The following CSTF1 variants were observed in gnomAD, a reference collection of about 807,000 sequenced individuals.
CSTF1 encodes the protein cleavage stimulation factor subunit 1.
A neutral mutation model predicts 40.9 loss-of-function variants in CSTF1; 2 were observed. The ratio of observed to expected loss-of-function variants is 0.05; its 90% CI spans 0.02 to 0.15. The LOEUF is 0.15. CSTF1 is among the 10% of genes least tolerant of loss of function. CSTF1 has a pLI of 1.00. For missense variants in CSTF1, 279 were observed against 558.9 expected, an observed-to-expected ratio of 0.50 and a Z score of 5.05; for synonymous variants, 218 against 207.2, an observed-to-expected ratio of 1.05 and a Z score of -0.45.
chr20:56,399,489 A>G lies in CSTF1; in HGVS notation c.1036+132A>G. 2.4e-6 allele frequency: 2 copies of G among 849,010 alleles called. No individual in the cohort carries two copies. The highest frequency in any genetic ancestry group is 3.6e-5 in the South Asian group (2 of 56,174). The allele number at this position is 849,010 out of a possible 1,614,324, so 52.6% of individuals were successfully genotyped here. ...AGGCAGATGTTACCCTTTCTTAGAT[A>G]AGAGGAAACCAAGACTTACAGGTTA... On this transcript the variant is annotated intron_variant, in intron 5 of 5. Transcript: ENST00000217109. This position sits in a 1 kb window ranked among gnomAD's most constrained non-coding sequence, Gnocchi z 4.6.
In CSTF1 at chr20:56,397,374, G is replaced by A. The variant is rs1987548062; in HGVS notation, c.337G>A (p.Val113Ile). Reference protein sequence around the residue: ...YVTSHKGPCRVATYSRDGQLI... With the variant: ...YVTSHKGPCRIATYSRDGQLI... The stretch of plus-strand genomic sequence containing the variant: ...CACATCACATAAAGGACCATGCCGT[G>A]TAGCTACCTATAGTAGAGATGGACA... The change falls in exon 3 of 6, where the codon GTA becomes ATA. Residue 113 changes from valine to isoleucine, a missense_variant. Physicochemically the swap from Val to Ile is conservative, Grantham distance 29 (BLOSUM62 3). This residue lies in a region of CSTF1 where 66 missense variants were observed against 148.0 expected (regional missense o/e 0.45). Coordinates refer to ENST00000217109, the MANE Select transcript of CSTF1 (RefSeq NM_001324.3). This position sits in a 1 kb window ranked among gnomAD's most constrained non-coding sequence, Gnocchi z 4.4. 1 of 1,614,200 alleles carries A rather than the reference G, an allele frequency of 6.2e-7. No individual in the cohort carries two copies. The highest frequency in any genetic ancestry group is 8.5e-7 in the Non-Finnish European group (1 of 1,180,030).
Position 56,397,421 on chromosome 20 carries a change from T to C in CSTF1, c.384T>C (p.Ala128=), listed in dbSNP as rs1987549147. The C allele has an allele frequency of 6.2e-7, 1 of 1,614,106 alleles. No homozygotes were observed. The highest frequency in any genetic ancestry group is 1.3e-5 in the African/African-American group (1 of 74,950). ...RDGQLIATGS[A]DASIKILDTE... ...GACAGTTAATAGCTACTGGGTCTGC[T>C]GATGCTTCGATAAAGATACTTGACA... The change falls in exon 3 of 6, where the codon GCT becomes GCC. Residue 128 remains alanine, a synonymous_variant. Coordinates refer to ENST00000217109, the MANE Select transcript of CSTF1 (RefSeq NM_001324.3). The surrounding 1 kb of genome is among the most constrained non-coding windows in gnomAD (Gnocchi z 4.4).
At position 56,403,604 on chromosome 20, in the gene CSTF1, G is replaced by C. The variant is rs565546367; in HGVS notation, c.1173G>C (p.Leu391=). The C allele has an allele frequency of 3.1e-6, 5 of 1,614,144 alleles. No individual in the cohort carries two copies. The Admixed American group carries it at 5.0e-5, about 16-fold the overall frequency. The change falls in exon 6 of 6, where the codon CTG becomes CTC. Residue 391 remains leucine, a synonymous_variant. Transcript: ENST00000217109. ...CGAGGACAGCCGAGCGGAGAAACCT[G>C]CTGTCGTTGGGGCACAACAATATTG... ...WDSRTAERRN[L]LSLGHNNIVR...
In CSTF1 at chr20:56,397,224, A is replaced by C. The variant is rs759821717; in HGVS notation, c.187A>C (p.Thr63Pro). 1 of 1,610,760 alleles carries C rather than the reference A, an allele frequency of 6.2e-7. No individual in the cohort carries two copies. Among genetic ancestry groups the C allele is most frequent in the Non-Finnish European group, 8.5e-7 (1 of 1,178,038 alleles). The change falls in exon 3 of 6, where the codon ACC becomes CCC. Residue 63 changes from threonine (T) to proline (P), a missense_variant. Around this residue, in one of 4 missense-constraint regions of CSTF1, gnomAD observed 66 missense variants for 148.0 expected, o/e 0.45. Coordinates refer to ENST00000217109, the MANE Select transcript of CSTF1 (RefSeq NM_001324.3). The surrounding 1 kb of genome is among the most constrained non-coding windows in gnomAD (Gnocchi z 4.4). Reference protein sequence around the residue: ...LIKLGMENDDTAVQYAIGRSD... With the variant: ...LIKLGMENDDPAVQYAIGRSD... ...TCTTTCAGGAATGGAAAACGATGAC[A>C]CCGCAGTTCAGTATGCAATTGGTCG...
At position 56,397,638 on chromosome 20, in the gene CSTF1, G is replaced by T; in HGVS notation, c.448-6G>T. 2 of 1,613,776 alleles carry T rather than the reference G, an allele frequency of 1.2e-6. No homozygotes were observed. The highest frequency in any genetic ancestry group is 1.3e-5 in the African/African-American group (1 of 75,006). ...GTGCCTTGAGCATCTCTTCTTGTTG[G>T]TCTAGGTCATGATGAATGAGACCGC... is the stretch of plus-strand genomic sequence containing the variant. On this transcript the variant is annotated splice_polypyrimidine_tract_variant and splice_region_variant and intron_variant, in intron 3 of 5. Coordinates refer to ENST00000217109, the MANE Select transcript of CSTF1 (RefSeq NM_001324.3). This position sits in a 1 kb window ranked among gnomAD's most constrained non-coding sequence, Gnocchi z 4.4.
rs1226236029 is a variant in CSTF1 at position 56,404,464 on chromosome 20, A to G, written c.*737A>G. On this transcript the variant is annotated 3_prime_UTR_variant, in exon 6 of 6. Coordinates refer to ENST00000217109, the MANE Select transcript of CSTF1 (RefSeq NM_001324.3). ...TCTAATTAAATTAGGTCAGCCTGCT[A>G]TTGCTCTCAGGTGTTGCCTGTCTTC... 6.6e-6 allele frequency: 1 copy of G among 152,162 alleles called. No individual in the cohort carries two copies. Among genetic ancestry groups the G allele is most frequent in the African/African-American group, 2.4e-5 (1 of 41,416 alleles). 9.4% of individuals were successfully genotyped at this position (152,162 alleles called of 1,614,324 possible).
In CSTF1 at chr20:56,397,578, G is replaced by A. The variant is rs1987553287; in HGVS notation, c.448-66G>A. On this transcript the variant is annotated intron_variant, in intron 3 of 5. Coordinates refer to ENST00000217109, the MANE Select transcript of CSTF1 (RefSeq NM_001324.3). This position sits in a 1 kb window ranked among gnomAD's most constrained non-coding sequence, Gnocchi z 4.4. ...TTGAAACCAGCTTTAGTTTGCTACAGTTGTGGATTGTGCACTTGGATTCAG... is the reference window on the plus strand; with the variant it reads ...TTGAAACCAGCTTTAGTTTGCTACAATTGTGGATTGTGCACTTGGATTCAG... 1.2e-6 allele frequency: 2 copies of A among 1,600,346 alleles called. No individual in the cohort carries two copies. Among genetic ancestry groups the A allele is most frequent in the African/African-American group, 2.7e-5 (2 of 74,568 alleles).
intron 1 of CSTF1, among the ~76,000 whole-genome samples, chr20:56,395,255 G>A (rs778659845): frequency 2.0e-5 from 3 of 152,324 alleles, no homozygotes; most frequent in African/African-American, 7.2e-5. Flanking sequence ...AGATTGTACC[G>A]TAAACACTGG....
rs928832336 is a variant in CSTF1, at chr20:56,405,316, C to T, written c.*1589C>T. 6.6e-5 allele frequency: 10 copies of T among 152,240 alleles called. No individual in the cohort carries two copies. Among genetic ancestry groups the T allele is most frequent in the Admixed American group, 2.0e-4 (3 of 15,286 alleles). 9.4% of individuals were successfully genotyped at this position (152,240 alleles called of 1,614,324 possible). Reference sequence around the variant, plus strand: ...CCGCCACCTGGGTTCAAACGATTCTCCTGCCTCAGGCTCCCGAGTAACTAG... The same window carrying T: ...CCGCCACCTGGGTTCAAACGATTCTTCTGCCTCAGGCTCCCGAGTAACTAG... On this transcript the variant is annotated 3_prime_UTR_variant, in exon 6 of 6. Transcript: ENST00000217109.
At position 56,399,697 on chromosome 20, in the gene CSTF1, T is replaced by C. The variant is rs1978371786; in HGVS notation, c.1036+340T>C. 6.6e-6 allele frequency among the ~76,000 whole-genome samples: 1 copy of C among 152,208 alleles called. No homozygotes were observed. Among genetic ancestry groups the C allele is most frequent in the Admixed American group, 6.5e-5 (1 of 15,278 alleles). On this transcript the variant is annotated intron_variant, in intron 5 of 5. Transcript: ENST00000217109. The surrounding 1 kb of genome is among the most constrained non-coding windows in gnomAD (Gnocchi z 4.6). ...TGTGAAAGCAATCCAGAGAAAAGTT[T>C]CCAATAGTAGATCTCAGTATTATTA...
intron 5 of CSTF1, among the ~76,000 whole-genome samples, chr20:56,400,599 GT>G (rs1487432343): frequency 6.6e-6 from 1 of 152,142 alleles, no homozygotes; most frequent in Non-Finnish European, 1.5e-5. Context: ...TGATTGGCTT[GT>G]TTTAGTGGGG....
In CSTF1 at chr20:56,404,103, C is replaced by CT. The variant is rs1048842161; in HGVS notation, c.*377dup. 6.8e-4 allele frequency: 124 copies of CT among 182,724 alleles called. 1 individual carries two copies. Among genetic ancestry groups the CT allele is most frequent in the African/African-American group, 2.7e-3 (116 of 42,962 alleles). 11.3% of individuals were successfully genotyped at this position (182,724 alleles called of 1,614,324 possible). On this transcript the variant is annotated 3_prime_UTR_variant, in exon 6 of 6. Transcript: ENST00000217109. Reference sequence around the variant, plus strand: ...TTTCTTGCTTATTCTGCTGAACCCTCTGTGTATTTCCCTTCCAGGTATATT... The same window carrying CT: ...TTTCTTGCTTATTCTGCTGAACCCTCTTGTGTATTTCCCTTCCAGGTATATT...
At position 56,406,216 on chromosome 20, in the gene CSTF1, G is replaced by A. The variant is rs2146253361; in HGVS notation, c.*2489G>A. 1 of 152,016 alleles carries A rather than the reference G, an allele frequency of 6.6e-6. No homozygotes were observed. The allele number at this position is 152,016 out of a possible 1,614,324, so 9.4% of individuals were successfully genotyped here. Reference sequence around the variant, plus strand: ...GTGTAAATGCCAGGAATATTATATGGACTTAGTATCTGCATCTCGTTAATT... The same window carrying A: ...GTGTAAATGCCAGGAATATTATATGAACTTAGTATCTGCATCTCGTTAATT... On this transcript the variant is annotated 3_prime_UTR_variant, in exon 6 of 6. Coordinates refer to ENST00000217109, the MANE Select transcript of CSTF1 (RefSeq NM_001324.3).
intron 4 of CSTF1, 135 bp from the exon 5 acceptor site, chr20:56,398,832 T>G (rs1978336040): frequency 2.5e-6 from 2 of 804,612 alleles, no homozygotes; most frequent in South Asian, 4.7e-5. Context: ...GAAAGCACTT[T>G]TTTTCTTATG....
chr20:56,394,821 TG>T (rs1177846889), intron 1 of CSTF1, among the ~76,000 whole-genome samples: 4 of 150,052 alleles, frequency 2.7e-5, no homozygotes, highest in Non-Finnish European at 5.9e-5. Context: ...AGTCAGTGCA[TG>T]CACAATCCTT....
At chr20:56,396,535 C>G (rs1205765371) in intron 2 of CSTF1, among the ~76,000 whole-genome samples, 3 of 152,218 alleles carry the variant, frequency 2.0e-5, no homozygotes, top group East Asian at 3.9e-4. Flanking sequence ...CAGCATTGCT[C>G]TATTACTGTT....
Position 56,395,533 on chromosome 20 carries a change from C to T in CSTF1, c.-20C>T, listed in dbSNP as rs2059072616. ...TCCGTTTTTGCAGCTGGCAGGGAAA[C>T]TGTCTTCCTTTTCTCCAAGATGTAC... On this transcript the variant is annotated 5_prime_UTR_variant, in exon 2 of 6. Transcript: ENST00000217109. 6.2e-7 allele frequency: 1 copy of T among 1,604,858 alleles called. No individual in the cohort carries two copies. The highest frequency in any genetic ancestry group is 8.5e-7 in the Non-Finnish European group (1 of 1,174,418).
In CSTF1 at chr20:56,398,960, C is replaced by T; in HGVS notation, c.646-7C>T. On this transcript the variant is annotated splice_polypyrimidine_tract_variant and splice_region_variant and intron_variant, in intron 4 of 5. Transcript: ENST00000217109. ...GGTCACTTGTATTAATGTCTCTGTC[C>T]CAACAGGAAGCTGAAATGTTACGTT... 1 of 1,590,488 alleles carries T rather than the reference C, an allele frequency of 6.3e-7. No homozygotes were observed. The highest frequency in any genetic ancestry group is 1.1e-5 in the South Asian group (1 of 87,112).
At chr20:56,392,477 A>C (rs1182642782), upstream of CSTF1, 3 of 152,300 alleles carry the variant, frequency 2.0e-5, no homozygotes, top group Non-Finnish European at 4.4e-5. Flanking sequence ...CAGCCCCTTG[A>C]CGTCAAGCTT....
Sources: allele counts gnomAD v4.1 joint callset (sites outside exome capture counted in the v4.1 genomes callset), GRCh38; gene constraint gnomAD v4.1.1; regional missense constraint gnomAD v4.1.1; non-coding constraint Gnocchi (gnomAD v3.1); transcripts MANE v1.5; gene names NCBI Gene and HGNC (gene_info 2026-07-23, HGNC 2026-07-21).